The following NFIL3 variants were observed in gnomAD, a reference collection of about 807,000 sequenced individuals.
NFIL3 encodes the protein nuclear factor, interleukin 3 regulated.
A neutral mutation model predicts 10.0 loss-of-function variants in NFIL3; 5 were observed. The observed-to-expected ratio is 0.50, with a 90% CI of 0.26 to 1.06. The LOEUF is 1.06. Among genes scored for constraint, NFIL3 ranks in the 50% least tolerant of loss-of-function variants. The probability of loss-of-function intolerance (pLI) is 0.13; values close to 1 mark genes in which losing one functional copy is unlikely to be tolerated. For synonymous variants in NFIL3, 202 were observed against 206.5 expected (o/e 0.98, Z 0.19); for missense variants, 436 against 547.6 (o/e 0.80, Z 2.03).
chr9:91,483,294 A>C, the NFIL3 span, among the ~76,000 whole-genome samples: 1 of 152,142 alleles, frequency 6.6e-6, no homozygotes, highest in Non-Finnish European at 1.5e-5. Flanking sequence ...CCAGAGTTGG[A>C]TCCAGCACCA....
At chr9:91,480,274 C>A in the NFIL3 span, among the ~76,000 whole-genome samples, 4 of 151,788 alleles carry the variant, frequency 2.6e-5, no homozygotes, top group Non-Finnish European at 4.4e-5. Flanking sequence ...GTTCAGGAAG[C>A]ACAAGAAGGA....
At chr9:91,430,084 A>C in the NFIL3 span, among the ~76,000 whole-genome samples, 2,139 of 152,268 alleles carry the variant, frequency 0.014, 51 homozygotes, top group East Asian at 0.078. Flanking sequence ...TTATTAACCC[A>C]AAAAAGAATC....
chr9:91,430,356 A>G, the NFIL3 span, among the ~76,000 whole-genome samples: 8 of 152,164 alleles, frequency 5.3e-5, no homozygotes, highest in Non-Finnish European at 1.0e-4. Context: ...GTGATGTCCC[A>G]TGCCTGCTGT....
the NFIL3 span, among the ~76,000 whole-genome samples, chr9:91,431,946 T>C: frequency 6.6e-6 from 1 of 152,218 alleles, no homozygotes; most frequent in Non-Finnish European, 1.5e-5. Flanking sequence ...GGCTTTGTCT[T>C]GGACGCCTTT....
chr9:91,421,066 G>A (rs1833754482), intron 1 of NFIL3, among the ~76,000 whole-genome samples: 2 of 152,250 alleles, frequency 1.3e-5, no homozygotes, highest in Middle Eastern at 3.4e-3. Context: ...AGACGCGCTT[G>A]GTTCCGAAAT....
At chr9:91,475,344 C>A in the NFIL3 span, among the ~76,000 whole-genome samples, 2 of 152,160 alleles carry the variant, frequency 1.3e-5, no homozygotes, top group South Asian at 4.1e-4. Flanking sequence ...CTTCCAACTA[C>A]ATGGATAGAT....
chr9:91,456,364 C>T, the NFIL3 span, among the ~76,000 whole-genome samples: 1 of 152,110 alleles, frequency 6.6e-6, no homozygotes, highest in East Asian at 1.9e-4. Flanking sequence ...TAGGAAAGTT[C>T]CAGTTCTTTC....
upstream of NFIL3, among the ~76,000 whole-genome samples, chr9:91,424,179 C>G (rs988263316): frequency 1.3e-5 from 2 of 152,050 alleles, no homozygotes; most frequent in African/African-American, 2.4e-5. Flanking sequence ...CCGGGAGCCC[C>G]CCGTCCCACC....
At chr9:91,432,117 C>T in the NFIL3 span, among the ~76,000 whole-genome samples, 15 of 152,142 alleles carry the variant, frequency 9.9e-5, no homozygotes, top group Admixed American at 1.3e-4. Context: ...CAGGGGCTAC[C>T]GGGGCAGGTG....
chr9:91,424,318 T>A (rs1050299121), upstream of NFIL3, among the ~76,000 whole-genome samples: 1 of 152,186 alleles, frequency 6.6e-6, no homozygotes, highest in African/African-American at 2.4e-5. Flanking sequence ...GGCTACCTGT[T>A]GCCGACTGAG....
chr9:91,475,052 C>T, the NFIL3 span, among the ~76,000 whole-genome samples: 1 of 152,204 alleles, frequency 6.6e-6, no homozygotes, highest in African/African-American at 2.4e-5. Context: ...TGCTGTTAGT[C>T]AGGGGTTCTG....
At chr9:91,461,623 T>C in the NFIL3 span, among the ~76,000 whole-genome samples, 1 of 152,338 alleles carries the variant, frequency 6.6e-6, no homozygotes, top group South Asian at 2.1e-4. Context: ...TTGGCTTTCT[T>C]GGCTTATGGC....
the NFIL3 span, among the ~76,000 whole-genome samples, chr9:91,445,266 G>GAGA: frequency 2.0e-5 from 3 of 152,306 alleles, no homozygotes; most frequent in South Asian, 4.1e-4. Flanking sequence ...CCTGAGGGAT[G>GAGA]AGATACCACA....
At chr9:91,469,765 CT>C in the NFIL3 span, among the ~76,000 whole-genome samples, 1 of 151,146 alleles carries the variant, frequency 6.6e-6, no homozygotes, top group African/African-American at 2.4e-5. Context: ...AGTCAAAGGC[CT>C]TTTCTGCATC....
chr9:91,417,504 C>T (rs896671858), intron 1 of NFIL3, among the ~76,000 whole-genome samples: 8 of 152,024 alleles, frequency 5.3e-5, no homozygotes, highest in African/African-American at 9.7e-5. Flanking sequence ...ACAGTATCTG[C>T]GTCAATGAAA....
At chr9:91,460,830 C>T in the NFIL3 span, among the ~76,000 whole-genome samples, 1 of 152,108 alleles carries the variant, frequency 6.6e-6, no homozygotes, top group African/African-American at 2.4e-5. Context: ...GCATTGGGCA[C>T]CCTCTGAAAG....
chr9:91,471,092 G>T, the NFIL3 span, among the ~76,000 whole-genome samples: 1 of 151,940 alleles, frequency 6.6e-6, no homozygotes, highest in African/African-American at 2.4e-5. Context: ...CTTCTGTCTC[G>T]TTGATCTGTC....
chr9:91,437,652 C>T, the NFIL3 span, among the ~76,000 whole-genome samples: 1 of 152,182 alleles, frequency 6.6e-6, no homozygotes, highest in South Asian at 2.1e-4. Context: ...CCTACATCTC[C>T]CCATTTCCTT....
At chr9:91,444,874 G>A in the NFIL3 span, among the ~76,000 whole-genome samples, 132 of 152,222 alleles carry the variant, frequency 8.7e-4, no homozygotes, top group Non-Finnish European at 1.5e-3. Flanking sequence ...ATCTCTCTTC[G>A]TTTCAAGCCT....
Sources: allele counts gnomAD v4.1 joint callset (sites outside exome capture counted in the v4.1 genomes callset), GRCh38; gene constraint gnomAD v4.1.1; transcripts MANE v1.5; gene names NCBI Gene and HGNC (gene_info 2026-07-23, HGNC 2026-07-21).